The following CEP295NL variants were observed in gnomAD, a reference collection of about 807,000 sequenced individuals.
The protein encoded by CEP295NL is protein DDC8 homolog.
A neutral mutation model predicts 4.6 loss-of-function variants in CEP295NL; 3 were observed. The observed-to-expected ratio is 0.65, with a 90% CI of 0.30 to 1.69. The LOEUF (loss-of-function observed/expected upper bound fraction) is 1.69. CEP295NL is among the 40% of genes most tolerant of loss of function. The pLI is 0.10. For synonymous variants in CEP295NL, 295 were observed against 312.2 expected (o/e 0.94, Z 0.58); for missense variants, 719 against 769.0 (o/e 0.93, Z 0.77).
intron 2 of CEP295NL, among the ~76,000 whole-genome samples, chr17:78,900,558 A>AG (rs1459731860): frequency 1.3e-5 from 2 of 150,398 alleles, no homozygotes; most frequent in Non-Finnish European, 3.0e-5. Flanking sequence ...AAAAAAAAAA[A>AG]ATGTGTTTTT....
In CEP295NL at chr17:78,897,132, A is replaced by T. The variant is rs572148239; in HGVS notation, c.44+4653T>A. On this transcript the variant is annotated intron_variant, in intron 2 of 2. Coordinates refer to ENST00000322630, the MANE Select transcript of CEP295NL (RefSeq NM_001243540.2). ...CCCGCCGGCCTCCTCACCCCCTCCG[A>T]AGGAGACTCCAGGCCTGCTGTGCAC... 1.1e-4 allele frequency: 35 copies of T among 322,920 alleles called. No homozygotes were observed. In the East Asian group the frequency reaches 3.1e-3, roughly 28 times the overall value. The allele number at this position is 322,920 out of a possible 1,614,324, so 20.0% of individuals were successfully genotyped here. A position where few individuals can be genotyped will look rare whatever the true frequency, so the allele number is the denominator to read the frequency against.
At chr17:78,899,502 C>CA (rs2070056318) in intron 2 of CEP295NL, 1 of 152,252 alleles carries the variant, frequency 6.6e-6, no homozygotes, top group African/African-American at 2.4e-5. Flanking sequence ...GATCCTATCC[C>CA]AGCCCCTGCG....
intron 1 of CEP295NL, among the ~76,000 whole-genome samples, 171 bp from the exon 2 acceptor site, chr17:78,902,097 G>A (rs571689053): frequency 1.3e-5 from 2 of 152,198 alleles, no homozygotes; most frequent in Admixed American, 6.5e-5. Flanking sequence ...GTGGTGGCGG[G>A]GGGACGGGGG....
At chr17:78,897,418 A>G (rs2070019782) in intron 2 of CEP295NL, 1 of 152,116 alleles carries the variant, frequency 6.6e-6, no homozygotes, top group African/African-American at 2.4e-5. Flanking sequence ...CCCAGTCCCC[A>G]CCAGGTGCAT....
In CEP295NL at chr17:78,892,210, A is replaced by C. The variant is rs1399645871; in HGVS notation, c.294T>G (p.Asp98Glu). 1.9e-6 allele frequency: 3 copies of C among 1,550,906 alleles called. No individual in the cohort carries two copies. In the African/African-American group the frequency reaches 4.1e-5, roughly 21 times the overall value. Residue 98 changes from aspartate to glutamate, a missense_variant, in exon 3 of 3, where the codon GAT (aspartate) becomes GAG (glutamate). Physicochemically the swap from Asp to Glu is conservative, Grantham distance 45. Coordinates refer to ENST00000322630, the MANE Select transcript of CEP295NL (RefSeq NM_001243540.2). ...KGDLALQRRA[D>E]AKLWKNYQLQ... Reference sequence around the variant, plus strand: ...GCTGGTAGTTTTTCCACAGCTTGGCATCCGCTCTTCTCTGCAGAGCGAGAT... The same window carrying C: ...GCTGGTAGTTTTTCCACAGCTTGGCCTCCGCTCTTCTCTGCAGAGCGAGAT...
At chr17:78,897,893 A>G (rs948128715) in intron 2 of CEP295NL, 11 of 152,188 alleles carry the variant, frequency 7.2e-5, no homozygotes, top group Admixed American at 5.2e-4. Context: ...GAGACACGGA[A>G]ATGGGTACAA....
At chr17:78,902,067 C>G in intron 1 of CEP295NL, 141 bp from the exon 2 acceptor site, 2 of 508,838 alleles carry the variant, frequency 3.9e-6, no homozygotes, top group Non-Finnish European at 7.0e-6. Flanking sequence ...CTCTTCTCCC[C>G]AACTCTTAGC....
chr17:78,896,022 G>C lies in CEP295NL; in HGVS notation c.45-3563C>G, dbSNP rs149120931. Among the ~76,000 whole-genome samples, 13 of 152,358 alleles carry C rather than the reference G, an allele frequency of 8.5e-5. No homozygotes were observed. Among genetic ancestry groups the C allele is most frequent in the African/African-American group, 2.6e-4 (11 of 41,576 alleles). ...ATGAAGCAGCGTCAGTTTTCCTGGAGACACGCAAACGGGTAAAAACTTAAC... is the reference window on the plus strand; with the variant it reads ...ATGAAGCAGCGTCAGTTTTCCTGGACACACGCAAACGGGTAAAAACTTAAC... On this transcript the variant is annotated intron_variant, in intron 2 of 2. Coordinates refer to ENST00000322630, the MANE Select transcript of CEP295NL (RefSeq NM_001243540.2). This position sits in a 1 kb window ranked among gnomAD's most constrained non-coding sequence, Gnocchi z 4.4.
chr17:78,902,520 A>G (rs974084676), intron 1 of CEP295NL: 1 of 152,594 alleles, frequency 6.6e-6, no homozygotes, highest in African/African-American at 2.4e-5. Flanking sequence ...TACTGGGGCC[A>G]CAGCTCATGA....
At chr17:78,893,188 G>GGT (rs1221477428) in intron 2 of CEP295NL, among the ~76,000 whole-genome samples, 2 of 135,362 alleles carry the variant, frequency 1.5e-5, no homozygotes, top group Non-Finnish European at 3.1e-5. Context: ...TGTGTGCAGG[G>GGT]GTGTGTGCAA....
In CEP295NL at chr17:78,891,235, C is replaced by A. The variant is rs1233022608; in HGVS notation, c.1269G>T (p.Leu423Phe). ...EAQQAASKTDLKTFMGKAQNQ... is the reference protein window; with the variant it reads ...EAQQAASKTDFKTFMGKAQNQ... ...TCTGGGCCTTGCCCATGAACGTTTT[C>A]AAGTCGGTCTTGGACGCTGCCTGCT... is the stretch of plus-strand genomic sequence containing the variant. Residue 423 changes from leucine (L) to phenylalanine (F), a missense_variant, in exon 3 of 3, where the codon TTG becomes TTT. Transcript: ENST00000322630. The surrounding 1 kb of genome is among the most constrained non-coding windows in gnomAD (Gnocchi z 4.5). 21 of 1,550,546 alleles carry A rather than the reference C, an allele frequency of 1.4e-5. No individual in the cohort carries two copies. The highest frequency in any genetic ancestry group is 1.8e-5 in the Non-Finnish European group (21 of 1,147,028).
At chr17:78,895,814 C>T (rs947492483) in intron 2 of CEP295NL, among the ~76,000 whole-genome samples, 3 of 152,158 alleles carry the variant, frequency 2.0e-5, no homozygotes, top group African/African-American at 7.2e-5. Flanking sequence ...CTGTGTGTCT[C>T]GGAAGGTGCC....
intron 2 of CEP295NL, chr17:78,900,893 C>T (rs1041388684): frequency 6.6e-6 from 1 of 152,272 alleles, no homozygotes; most frequent in Non-Finnish European, 1.5e-5. Flanking sequence ...GAAGGGCCAA[C>T]GTGACTGTCC....
chr17:78,891,936 T>C lies in CEP295NL; in HGVS notation c.568A>G (p.Arg190Gly), dbSNP rs1049127123. 1.6e-5 allele frequency: 25 copies of C among 1,550,450 alleles called. No homozygotes were observed. Among genetic ancestry groups the C allele is most frequent in the Non-Finnish European group, 2.1e-5 (24 of 1,147,000 alleles). The part of the protein sequence containing the change: ...CREELGQQHP[R>G]HSRPRKTAAS... ...GCTGTCTTCCGGGGCCTGGAGTGCC[T>C]GGGGTGTTGCTGGCCCAACTCTTCC... Residue 190 changes from arginine (R) to glycine (G), a missense_variant, in exon 3 of 3, where the codon AGG becomes GGG. Physicochemically the swap from Arg to Gly is moderately radical, Grantham distance 125. Transcript: ENST00000322630. The surrounding 1 kb of genome is among the most constrained non-coding windows in gnomAD (Gnocchi z 4.5).
rs2069884114 is a variant in CEP295NL at position 78,891,078 on chromosome 17, T to TGGGGGTCTCTTGTCCA, written c.1410_1425dup (p.Lys476TrpfsTer51). On this transcript the variant is annotated frameshift_variant, in exon 3 of 3. Transcript: ENST00000322630. LOFTEE classifies it low-confidence loss of function (END_TRUNC). This position sits in a 1 kb window ranked among gnomAD's most constrained non-coding sequence, Gnocchi z 4.5. ...GAGCCCTCTGCCAGCGTGCCCAGTT[T>TGGGGGTCTCTTGTCCA]GGGGGTCTCTTGTCCAGATTCAGTG... is the stretch of plus-strand genomic sequence containing the variant. 17 of 1,551,018 alleles carry TGGGGGTCTCTTGTCCA rather than the reference T, an allele frequency of 1.1e-5. No homozygotes were observed. Among genetic ancestry groups the TGGGGGTCTCTTGTCCA allele is most frequent in the Non-Finnish European group, 1.5e-5 (17 of 1,147,080 alleles).
intron 2 of CEP295NL, among the ~76,000 whole-genome samples, chr17:78,893,068 G>A (rs933224317): frequency 6.6e-6 from 1 of 151,610 alleles, no homozygotes; most frequent in Admixed American, 6.6e-5. Flanking sequence ...TGTGTGTGCA[G>A]GAGTGTGTGC....
At position 78,891,104 on chromosome 17, in the gene CEP295NL, C is replaced by T. The variant is rs1212857310; in HGVS notation, c.1400G>A (p.Ser467Asn). ...GGGGGTCTCTTGTCCAGATTCAGTG[C>T]TATACAATAATGAGTCCTCTTTGTT... ...FINKEDSLLY[S>N]TESGQETPKL... The change falls in exon 3 of 3, where the codon AGC becomes AAC. Residue 467 changes from serine to asparagine, a missense_variant. Coordinates refer to ENST00000322630, the MANE Select transcript of CEP295NL (RefSeq NM_001243540.2). The surrounding 1 kb of genome is among the most constrained non-coding windows in gnomAD (Gnocchi z 4.5). 11 of 1,550,832 alleles carry T rather than the reference C, an allele frequency of 7.1e-6. No homozygotes were observed. Among genetic ancestry groups the T allele is most frequent in the Admixed American group, 2.0e-5 (1 of 51,002 alleles).
intron 1 of CEP295NL, 42 bp downstream of exon 1, chr17:78,903,092 C>G (rs2070120712): frequency 6.6e-6 from 1 of 152,400 alleles, no homozygotes; most frequent in East Asian, 1.9e-4. Context: ...GGAACAGACA[C>G]AGAGAGCCTC....
chr17:78,901,193 G>A (rs369117525), intron 2 of CEP295NL: 1 of 153,996 alleles, frequency 6.5e-6, no homozygotes, highest in African/African-American at 2.4e-5. Flanking sequence ...TGGATTCCAC[G>A]CACGAGGAAC....
Sources: allele counts gnomAD v4.1 joint callset (sites outside exome capture counted in the v4.1 genomes callset), GRCh38; gene constraint gnomAD v4.1.1; non-coding constraint Gnocchi (gnomAD v3.1); transcripts MANE v1.5; gene names NCBI Gene and HGNC (gene_info 2026-07-23, HGNC 2026-07-21).